Variants in ESPL1 observed in about 807,000 individuals in gnomAD.
ESPL1 encodes extra spindle pole bodies like 1, separase.
Under a neutral mutation model 217.2 loss-of-function variants are expected in ESPL1, and 50 were observed. The observed-to-expected ratio is 0.23, with a 90% CI of 0.18 to 0.29. The LOEUF (loss-of-function observed/expected upper bound fraction) is 0.29, where lower values mean the gene tolerates loss of function less well. Among genes scored for constraint, ESPL1 ranks in the 10% least tolerant of loss-of-function variants. ESPL1 has a pLI of 1.00. For synonymous variants in ESPL1, 994 were observed against 1,081.3 expected, an observed-to-expected ratio of 0.92 and a Z score of 1.58; for missense variants, 1,834 against 2,603.0, an observed-to-expected ratio of 0.70 and a Z score of 6.43.
chr12:53,283,567 TGATGG>T, intron 16 of ESPL1, 29 bp downstream of exon 16: 1 of 1,600,478 alleles, frequency 6.2e-7, no homozygotes, highest in Non-Finnish European at 8.5e-7. Context: ...GATATGGCAA[TGATGG>T]CACCAAAGTG....
Position 53,288,623 on chromosome 12 carries a change from C to T in ESPL1, c.4632C>T (p.Pro1544=). Reference sequence around the variant, plus strand: ...TGGATTCCAGCAAGAAGAAGCTGCCCAGCCCATGCCCAGACAAGGAGAGTG... The same window carrying T: ...TGGATTCCAGCAAGAAGAAGCTGCCTAGCCCATGCCCAGACAAGGAGAGTG... ...LRLDSSKKKL[P]SPCPDKESDK... Residue 1544 remains proline (P), a synonymous_variant, in exon 20 of 31, where the codon CCC becomes CCT. Transcript: ENST00000257934. The T allele has an allele frequency of 2.5e-6, 4 of 1,613,908 alleles. No homozygotes were observed. In the South Asian group the frequency reaches 4.4e-5, roughly 18 times the overall value.
In ESPL1 at chr12:53,293,469, C is replaced by T. The variant is rs147406279; in HGVS notation, c.6358C>T (p.Arg2120Trp). ...PIAYGLPVSL[R>W] ...AGCCTATGGCTTGCCTGTCTCTCTG[C>T]GGTAACCCCATGGAGCTGTCTTATT... The change falls in exon 31 of 31, where the codon CGG (arginine) becomes TGG (tryptophan). Residue 2120 changes from arginine to tryptophan, a missense_variant. By Grantham distance (101) the Arg-to-Trp change is moderately radical. Around this residue, in one of 5 missense-constraint regions of ESPL1, gnomAD observed 295 missense variants for 519.8 expected, o/e 0.57. Coordinates refer to ENST00000257934, the MANE Select transcript of ESPL1 (RefSeq NM_012291.5). The surrounding 1 kb of genome is among the most constrained non-coding windows in gnomAD (Gnocchi z 4.2). 1.9e-6 allele frequency: 3 copies of T among 1,612,358 alleles called. No individual in the cohort carries two copies. The highest frequency in any genetic ancestry group is 2.5e-6 in the Non-Finnish European group (3 of 1,178,510).
At chr12:53,274,424 A>G (rs1943728706) in intron 6 of ESPL1, 1 of 178,020 alleles carries the variant, frequency 5.6e-6, no homozygotes, top group Non-Finnish European at 1.2e-5. Flanking sequence ...TGCACGAGGG[A>G]TGGAATGCAG....
chr12:53,286,793 A>G lies in ESPL1; in HGVS notation c.4057A>G (p.Ile1353Val). The G allele has an allele frequency of 6.2e-7, 1 of 1,614,164 alleles. No homozygotes were observed. Among genetic ancestry groups the G allele is most frequent in the Non-Finnish European group, 8.5e-7 (1 of 1,180,040 alleles). ...CTGCACACCTAAACCCCCAGACCGG[A>G]TCAGGCAAGCTGGCCCTCATGTCCC... The part of the protein sequence containing the change: ...LPCTPKPPDR[I>V]RQAGPHVPFT... Residue 1353 changes from isoleucine to valine, a missense_variant, in exon 18 of 31, where the codon ATC (isoleucine) becomes GTC (valine). By Grantham distance (29) the Ile-to-Val change is conservative. Transcript: ENST00000257934. This position sits in a 1 kb window ranked among gnomAD's most constrained non-coding sequence, Gnocchi z 5.3.
intron 1 of ESPL1, 48 bp from the exon 2 acceptor site, chr12:53,268,707 C>A: frequency 8.7e-7 from 1 of 1,152,434 alleles, no homozygotes; most frequent in Non-Finnish European, 1.3e-6. Context: ...TCCCTTCCTC[C>A]AGTTAGCTTC....
chr12:53,269,670 T>C lies in ESPL1; in HGVS notation c.728T>C (p.Leu243Pro), dbSNP rs2120870883. 1 of 1,614,176 alleles carries C rather than the reference T, an allele frequency of 6.2e-7. No homozygotes were observed. The highest frequency in any genetic ancestry group is 8.5e-7 in the Non-Finnish European group (1 of 1,180,024). Reference protein sequence around the residue: ...VGERGSSSGLLSPQRALCLLE... With the variant: ...VGERGSSSGLPSPQRALCLLE... Reference sequence around the variant, plus strand: ...GAGAGAGGGAGCTCTTCTGGGCTTCTTTCTCCCCAGAGGGCCCTCTGCCTC... The same window carrying C: ...GAGAGAGGGAGCTCTTCTGGGCTTCCTTCTCCCCAGAGGGCCCTCTGCCTC... Residue 243 changes from leucine to proline, a missense_variant, in exon 3 of 31, where the codon CTT becomes CCT. Around this residue, in one of 5 missense-constraint regions of ESPL1, gnomAD observed 746 missense variants for 1,077.0 expected, o/e 0.69. Coordinates refer to ENST00000257934, the MANE Select transcript of ESPL1 (RefSeq NM_012291.5). This position sits in a 1 kb window ranked among gnomAD's most constrained non-coding sequence, Gnocchi z 6.7.
At position 53,286,367 on chromosome 12, in the gene ESPL1, C is replaced by T; in HGVS notation, c.3631C>T (p.Pro1211Ser). Residue 1211 changes from proline (P) to serine (S), a missense_variant, in exon 18 of 31, where the codon CCC (proline) becomes TCC (serine). By Grantham distance (74) the Pro-to-Ser change is moderately conservative. This residue lies in a region of ESPL1 where 681 missense variants were observed against 808.0 expected (regional missense o/e 0.84). Coordinates refer to ENST00000257934, the MANE Select transcript of ESPL1 (RefSeq NM_012291.5). The surrounding 1 kb of genome is among the most constrained non-coding windows in gnomAD (Gnocchi z 5.3). ...CCAAGCTTCCCTGAATCATAAAACA[C>T]CCCCCTCCTTGGTTCCAAGCCTCTT... ...ALQASLNHKT[P>S]PSLVPSLLDE... 33 of 1,614,184 alleles carry T rather than the reference C, an allele frequency of 2.0e-5. No homozygotes were observed. The highest frequency in any genetic ancestry group is 2.7e-5 in the Non-Finnish European group (32 of 1,180,008).
At chr12:53,271,424 AT>A (rs1226286544) in intron 5 of ESPL1, among the ~76,000 whole-genome samples, 1 of 151,880 alleles carries the variant, frequency 6.6e-6, no homozygotes, top group Non-Finnish European at 1.5e-5. Context: ...GTCTGGCCAT[AT>A]TGTCCAGGCT....
Position 53,286,046 on chromosome 12 carries a change from C to T in ESPL1, c.3310C>T (p.Pro1104Ser), listed in dbSNP as rs1218484097. The change falls in exon 18 of 31, where the codon CCT becomes TCT. Residue 1104 changes from proline (P) to serine (S), a missense_variant. Coordinates refer to ENST00000257934, the MANE Select transcript of ESPL1 (RefSeq NM_012291.5). The surrounding 1 kb of genome is among the most constrained non-coding windows in gnomAD (Gnocchi z 5.3). ...AGAGGAGGAGCTCTTCCTAAGAGGC[C>T]CTGCTCTAGAGCTGGTGGCCACTGT... ...LPEEELFLRG[P>S]ALELVATVAK... 3.1e-6 allele frequency: 5 copies of T among 1,608,994 alleles called. No homozygotes were observed. In the African/African-American group the frequency reaches 5.3e-5, roughly 17 times the overall value.
At chr12:53,287,923 C>T in intron 18 of ESPL1, 49 bp from the exon 19 acceptor site, 1 of 1,520,278 alleles carries the variant, frequency 6.6e-7, no homozygotes, top group Non-Finnish European at 8.8e-7. Flanking sequence ...CACAAGGTGT[C>T]TTGTCACTGA....
rs896649838 is a variant in ESPL1, at chr12:53,272,915, C to T, written c.1506+58C>T. The T allele has an allele frequency of 2.0e-5, 32 of 1,584,028 alleles. No individual in the cohort carries two copies. The African/African-American group carries it at 2.4e-4, about 12-fold the overall frequency. ...TTATGTGGTTGGGGAGCGGGGGGAG[C>T]GGGGAAGGGCCTCACCAGCACCCTG... On this transcript the variant is annotated intron_variant, in intron 6 of 30. Coordinates refer to ENST00000257934, the MANE Select transcript of ESPL1 (RefSeq NM_012291.5).
chr12:53,274,767 C>A (rs1437678957), intron 6 of ESPL1, 50 bp from the exon 7 acceptor site: 1 of 1,475,494 alleles, frequency 6.8e-7, no homozygotes. Context: ...TTCCACCATA[C>A]ACACTCACTG....
In ESPL1 at chr12:53,288,633, C is replaced by G; in HGVS notation, c.4642C>G (p.Pro1548Ala). ...SSKKKLPSPC[P>A]DKESDKDLGP... ...CAAGAAGAAGCTGCCCAGCCCATGC[C>G]CAGACAAGGAGAGTGACAAGGACCT... Residue 1548 changes from proline (P) to alanine (A), a missense_variant, in exon 20 of 31, where the codon CCA becomes GCA. By Grantham distance (27) the Pro-to-Ala change is conservative (BLOSUM62 -1). Coordinates refer to ENST00000257934, the MANE Select transcript of ESPL1 (RefSeq NM_012291.5). The G allele has an allele frequency of 6.2e-7, 1 of 1,613,988 alleles. No homozygotes were observed. The highest frequency in any genetic ancestry group is 1.1e-5 in the South Asian group (1 of 91,086).
chr12:53,285,503 T>C (rs1421990588), intron 17 of ESPL1, among the ~76,000 whole-genome samples: 1 of 152,056 alleles, frequency 6.6e-6, no homozygotes, highest in East Asian at 1.9e-4. Flanking sequence ...GGTCAGGAGA[T>C]CGAGACCATT....
chr12:53,276,965 T>C, intron 8 of ESPL1, 106 bp downstream of exon 8: 1 of 1,554,970 alleles, frequency 6.4e-7, no homozygotes, highest in Non-Finnish European at 8.7e-7. Context: ...TCCCTTCATC[T>C]TGTGGCCATG....
Position 53,292,441 on chromosome 12 carries a change from T to C in ESPL1, c.5912+48T>C, listed in dbSNP as rs1025796000. On this transcript the variant is annotated intron_variant, in intron 28 of 30. Coordinates refer to ENST00000257934, the MANE Select transcript of ESPL1 (RefSeq NM_012291.5). This position sits in a 1 kb window ranked among gnomAD's most constrained non-coding sequence, Gnocchi z 4.5. ...GACGTGTGGGGAAGGGTAGACAACATACAGGGGCAACAAGCCTTTTCTCCA... is the reference window on the plus strand; with the variant it reads ...GACGTGTGGGGAAGGGTAGACAACACACAGGGGCAACAAGCCTTTTCTCCA... The C allele has an allele frequency of 6.9e-7, 1 of 1,453,632 alleles. No homozygotes were observed. 90.0% of individuals were successfully genotyped at this position (1,453,632 alleles called of 1,614,324 possible). A position where few individuals can be genotyped will look rare whatever the true frequency, so the allele number is the denominator to read the frequency against.
rs985483039 is a variant in ESPL1, at chr12:53,277,404, C to A, written c.2086-66C>A. 5 of 1,553,912 alleles carry A rather than the reference C, an allele frequency of 3.2e-6. No individual in the cohort carries two copies. The African/African-American group carries it at 5.4e-5, about 17-fold the overall frequency. ...CCAACAATCCTCCCACCTCAGCCTG[C>A]CGAGTAGCCAGGACGATAGGCCCAC... On this transcript the variant is annotated intron_variant, in intron 9 of 30. Transcript: ENST00000257934.
chr12:53,290,514 C>T (rs753407331), intron 24 of ESPL1, 45 bp downstream of exon 24: 6 of 1,604,516 alleles, frequency 3.7e-6, no homozygotes, highest in African/African-American at 2.7e-5. Context: ...AGGAATGACC[C>T]GGGGGGTCCC....
In ESPL1 at chr12:53,289,409, C is replaced by T. The variant is rs369044987; in HGVS notation, c.4928C>T (p.Ala1643Val). 14 of 1,613,416 alleles carry T rather than the reference C, an allele frequency of 8.7e-6. No homozygotes were observed. The East Asian group carries it at 8.9e-5, about 10-fold the overall frequency. Reference protein sequence around the residue: ...LTHLHRQLSKAQKHRGSLEIA... With the variant: ...LTHLHRQLSKVQKHRGSLEIA... ...CCTCCCCGTGTTGCTTGCAGCAAGG[C>T]CCAGAAGCACCGAGGATCACTTGAA... is the stretch of plus-strand genomic sequence containing the variant. Residue 1643 changes from alanine (A) to valine (V), a missense_variant, in exon 22 of 31, where the codon GCC (alanine) becomes GTC (valine). Transcript: ENST00000257934.
Sources: allele counts gnomAD v4.1 joint callset (sites outside exome capture counted in the v4.1 genomes callset), GRCh38; gene constraint gnomAD v4.1.1; regional missense constraint gnomAD v4.1.1; non-coding constraint Gnocchi (gnomAD v3.1); transcripts MANE v1.5; gene names NCBI Gene and HGNC (gene_info 2026-07-23, HGNC 2026-07-21).